Variants in TM9SF2 observed in about 807,000 individuals in gnomAD.
The protein encoded by TM9SF2 is transmembrane 9 superfamily member 2.
TM9SF2 carries 13 observed loss-of-function variants against 84.9 expected under a neutral mutation model. The ratio of observed to expected loss-of-function variants is 0.15; its 90% CI spans 0.10 to 0.24. The LOEUF is 0.24. Among genes scored for constraint, TM9SF2 ranks in the 10% least tolerant of loss-of-function variants. The pLI, the probability that TM9SF2 is intolerant of heterozygous loss-of-function variation, is 1.00. For synonymous variants in TM9SF2, 273 were observed against 285.8 expected (o/e 0.96, Z 0.45); for missense variants, 562 against 818.5 (o/e 0.69, Z 3.82).
intron 11 of TM9SF2, among the ~76,000 whole-genome samples, chr13:99,547,514 G>A (rs1294790028): frequency 6.6e-6 from 1 of 152,136 alleles, no homozygotes; most frequent in Non-Finnish European, 1.5e-5. Flanking sequence ...TCTTACATAT[G>A]AGAAGTCATA....
rs2046271723 is a variant in TM9SF2, at chr13:99,543,876, A to G, written c.1031A>G (p.Glu344Gly). 2 of 1,614,080 alleles carry G rather than the reference A, an allele frequency of 1.2e-6. No individual in the cohort carries two copies. The highest frequency in any genetic ancestry group is 8.5e-7 in the Non-Finnish European group (1 of 1,179,974). The part of the protein sequence containing the change: ...NQMDSTEDAQ[E>G]EFGWKLVHGD... ...TTCCCCTTTTAGGAAGATGCCCAGG[A>G]AGAATTTGGCTGGAAACTTGTTCAT... Residue 344 changes from glutamate to glycine, a missense_variant, in exon 10 of 17, where the codon GAA (glutamate) becomes GGA (glycine). Glu to Gly is a moderately conservative substitution (Grantham distance 98, BLOSUM62 -2). Transcript: ENST00000376387.
At chr13:99,522,638 T>C (rs541777085) in intron 3 of TM9SF2, among the ~76,000 whole-genome samples, 7 of 152,350 alleles carry the variant, frequency 4.6e-5, no homozygotes, top group Admixed American at 1.3e-4. Context: ...TCTCTACTTA[T>C]GTCTTGCCCT....
intron 3 of TM9SF2, among the ~76,000 whole-genome samples, chr13:99,524,099 G>A (rs1203114286): frequency 6.6e-6 from 1 of 152,214 alleles, no homozygotes; most frequent in Non-Finnish European, 1.5e-5. Flanking sequence ...GAATGACTCA[G>A]AGGCCACTGT....
chr13:99,520,761 G>T (rs2046155984), intron 3 of TM9SF2, among the ~76,000 whole-genome samples: 1 of 152,036 alleles, frequency 6.6e-6, no homozygotes, highest in Admixed American at 6.6e-5. Flanking sequence ...GTAGAGATGG[G>T]GTTCCAACAT....
chr13:99,554,465 G>T lies in TM9SF2; in HGVS notation c.1640+10G>T, dbSNP rs756866341. The T allele has an allele frequency of 1.2e-6, 2 of 1,612,212 alleles. No homozygotes were observed. The highest frequency in any genetic ancestry group is 1.1e-5 in the South Asian group (1 of 90,588). On this transcript the variant is annotated intron_variant, in intron 14 of 16. Coordinates refer to ENST00000376387, the MANE Select transcript of TM9SF2 (RefSeq NM_004800.3). ...TTCTGAATAGTATTTGGTAAGCTAA[G>T]GATAAAGTCCTCTCATTCTCATTAC... is the stretch of plus-strand genomic sequence containing the variant.
intron 1 of TM9SF2, among the ~76,000 whole-genome samples, chr13:99,508,702 T>A (rs1375849638): frequency 6.6e-6 from 1 of 152,092 alleles, no homozygotes; most frequent in Non-Finnish European, 1.5e-5. Flanking sequence ...GCATGTCACA[T>A]GGTAAAAGCA....
chr13:99,554,577 A>G, intron 14 of TM9SF2, 122 bp downstream of exon 14: 2 of 1,087,108 alleles, frequency 1.8e-6, no homozygotes, highest in Non-Finnish European at 2.5e-6. Context: ...GTAACCAGAA[A>G]TCTTAAAAGC....
chr13:99,529,471 C>T lies in TM9SF2; in HGVS notation c.338C>T (p.Thr113Met), dbSNP rs201599333. The T allele has an allele frequency of 1.3e-4, 200 of 1,547,342 alleles. No individual in the cohort carries two copies. In the African/African-American group the frequency reaches 1.9e-3, roughly 15 times the overall value. ...TTCCACTTCCTTTTAATACAGTTTA[C>T]GTTTAATAAGAAGGAGACCTGTAAG... ...ERIEPSPYKF[T>M]FNKKETCKLV... Residue 113 changes from threonine to methionine, a missense_variant, in exon 4 of 17, where the codon ACG (threonine) becomes ATG (methionine). Around this residue, in one of 4 missense-constraint regions of TM9SF2, gnomAD observed 267 missense variants for 316.7 expected, o/e 0.84. Transcript: ENST00000376387.
intron 2 of TM9SF2, among the ~76,000 whole-genome samples, chr13:99,519,369 T>G (rs2046149196): frequency 6.6e-6 from 1 of 152,148 alleles, no homozygotes. Context: ...ATTACTGTAC[T>G]GATCTCAGAT....
At chr13:99,511,246 C>T (rs566624661) in intron 1 of TM9SF2, among the ~76,000 whole-genome samples, 1 of 152,178 alleles carries the variant, frequency 6.6e-6, no homozygotes, top group South Asian at 2.1e-4. Context: ...CACCTAGAAT[C>T]AACAGTTGTT....
At chr13:99,552,893 GAGA>G (rs2046311776) in intron 13 of TM9SF2, among the ~76,000 whole-genome samples, 2 of 152,222 alleles carry the variant, frequency 1.3e-5, no homozygotes, top group African/African-American at 2.4e-5. Context: ...TAAGTAAGCA[GAGA>G]AGAAGTCACT....
intron 12 of TM9SF2, among the ~76,000 whole-genome samples, chr13:99,551,124 G>A (rs1254472785): frequency 6.6e-6 from 1 of 152,198 alleles, no homozygotes; most frequent in Non-Finnish European, 1.5e-5. Flanking sequence ...TAGTTGTGCT[G>A]GAAGAGGGCT....
chr13:99,522,934 A>G (rs1396398548), intron 3 of TM9SF2, among the ~76,000 whole-genome samples: 4 of 152,214 alleles, frequency 2.6e-5, no homozygotes, highest in East Asian at 1.9e-4. Flanking sequence ...GAGGTTAAAT[A>G]TAATAAAAGG....
chr13:99,510,051 C>T (rs1056874601), intron 1 of TM9SF2, among the ~76,000 whole-genome samples: 2 of 152,184 alleles, frequency 1.3e-5, no homozygotes, highest in African/African-American at 4.8e-5. Flanking sequence ...TAGGTTGTCA[C>T]TCTTTAGTGC....
chr13:99,531,061 A>G (rs935978988), intron 4 of TM9SF2, among the ~76,000 whole-genome samples: 2 of 151,964 alleles, frequency 1.3e-5, no homozygotes, highest in Admixed American at 1.3e-4. Context: ...GGGTTTTACC[A>G]TGTTGGCCAG....
chr13:99,521,826 T>A (rs1022181885), intron 3 of TM9SF2, among the ~76,000 whole-genome samples: 1 of 151,922 alleles, frequency 6.6e-6, no homozygotes, highest in African/African-American at 2.4e-5. Flanking sequence ...CCTGTCTCAC[T>A]CCCCTGAGTG....
chr13:99,501,568 C>A lies in TM9SF2; in HGVS notation c.-39C>A. ...CTCCCCACCCCTCCTTCCCTCTTGA[C>A]CCCCTAGGTTTGATTGCCCTTTCCC... is the stretch of plus-strand genomic sequence containing the variant. On this transcript the variant is annotated 5_prime_UTR_variant, in exon 1 of 17. Transcript: ENST00000376387. 3 of 1,597,038 alleles carry A rather than the reference C, an allele frequency of 1.9e-6. No individual in the cohort carries two copies. The highest frequency in any genetic ancestry group is 2.6e-6 in the Non-Finnish European group (3 of 1,171,602).
At chr13:99,516,738 A>G (rs752217074) in intron 1 of TM9SF2, among the ~76,000 whole-genome samples, 1 of 152,198 alleles carries the variant, frequency 6.6e-6, no homozygotes, top group Non-Finnish European at 1.5e-5. Flanking sequence ...ACTACCTTGT[A>G]GTTCAGTGTT....
chr13:99,532,211 C>CT (rs1429165858), intron 4 of TM9SF2, among the ~76,000 whole-genome samples: 1 of 151,708 alleles, frequency 6.6e-6, no homozygotes, highest in Non-Finnish European at 1.5e-5. Context: ...GCCACCATGC[C>CT]GGCTAATTTT....
Sources: allele counts gnomAD v4.1 joint callset (sites outside exome capture counted in the v4.1 genomes callset), GRCh38; gene constraint gnomAD v4.1.1; regional missense constraint gnomAD v4.1.1; transcripts MANE v1.5; gene names NCBI Gene and HGNC (gene_info 2026-07-23, HGNC 2026-07-21).